Variants in OPA1 observed in about 807,000 individuals in gnomAD.
OPA1 encodes OPA1 mitochondrial dynamin like GTPase.
A neutral mutation model predicts 152.9 loss-of-function variants in OPA1; 59 were observed. The ratio of observed to expected loss-of-function variants is 0.39; its 90% confidence interval spans 0.31 to 0.48. OPA1 has a LOEUF of 0.48. Ranked by LOEUF, OPA1 falls within the 20% of genes least tolerant of loss-of-function variation. The probability of loss-of-function intolerance (pLI) is 0.96; values close to 1 mark genes in which losing one functional copy is unlikely to be tolerated. For synonymous variants in OPA1, 400 were observed against 389.9 expected, an observed-to-expected ratio of 1.03 and a Z score of -0.31; for missense variants, 1,008 against 1,216.8, an observed-to-expected ratio of 0.83 and a Z score of 2.55.
chr3:193,624,611 A>G (rs373838694), intron 6 of OPA1, among the ~76,000 whole-genome samples: 3 of 152,140 alleles, frequency 2.0e-5, no homozygotes, highest in Non-Finnish European at 4.4e-5. Flanking sequence ...TTTGTTAATG[A>G]TCATAAAACT....
In OPA1 at chr3:193,666,316, C is replaced by T. The variant is rs771717557; in HGVS notation, c.2799C>T (p.Val933=). The T allele has an allele frequency of 6.2e-6, 10 of 1,613,866 alleles. No homozygotes were observed. The highest frequency in any genetic ancestry group is 7.6e-6 in the Non-Finnish European group (9 of 1,179,938). The change falls in exon 28 of 31, where the codon GTC becomes GTT. Residue 933 remains valine (V), a synonymous_variant. Transcript: ENST00000361510. ...TTCAGTTGGAATGCAATGATGTGGTCTTGTTTTGGCGTATACAGCGCATGC... is the reference window on the plus strand; with the variant it reads ...TTCAGTTGGAATGCAATGATGTGGTTTTGTTTTGGCGTATACAGCGCATGC... ...VDSELECNDV[V]LFWRIQRMLA...
Position 193,593,299 on chromosome 3 carries a change from G to A in OPA1, c.-79G>A, listed in dbSNP as rs1724932098. ...AGGGCCACTTCCTGGGTCATTCCTG[G>A]ACCGGGAGCCGGGCTGGGGCTCACA... On this transcript the variant is annotated 5_prime_UTR_variant, in exon 1 of 31. Coordinates refer to ENST00000361510, the MANE Select transcript of OPA1 (RefSeq NM_130837.3). 1 of 1,460,660 alleles carries A rather than the reference G, an allele frequency of 6.8e-7. No individual in the cohort carries two copies. The highest frequency in any genetic ancestry group is 9.2e-7 in the Non-Finnish European group (1 of 1,087,564). The allele number at this position is 1,460,660 out of a possible 1,614,324, so 90.5% of individuals were successfully genotyped here.
At position 193,642,846 on chromosome 3, in the gene OPA1, G is replaced by T. The variant is rs80356528; in HGVS notation, c.1230+1G>T. The T allele has an allele frequency of 6.2e-7, 1 of 1,609,032 alleles. No homozygotes were observed. Among genetic ancestry groups the T allele is most frequent in the South Asian group, 1.1e-5 (1 of 90,946 alleles). On this transcript the variant is annotated splice_donor_variant, in intron 12 of 30. Coordinates refer to ENST00000361510, the MANE Select transcript of OPA1 (RefSeq NM_130837.3). LOFTEE classifies it high-confidence loss of function. ...GTTTGATCTTACCAAAGAAGAAGAT[G>T]TAAGTAAAATTCATCTAAGGTTGAT...
intron 29 of OPA1, among the ~76,000 whole-genome samples, chr3:193,681,551 T>A (rs1387397525): frequency 1.3e-5 from 2 of 152,230 alleles, no homozygotes; most frequent in Non-Finnish European, 1.5e-5. Flanking sequence ...CAGACCTCAT[T>A]GTATTGCATG....
At chr3:193,663,247 C>T (rs933301637) in intron 26 of OPA1, among the ~76,000 whole-genome samples, 4 of 152,036 alleles carry the variant, frequency 2.6e-5, no homozygotes, top group Non-Finnish European at 5.9e-5. Flanking sequence ...TGAAACCGAC[C>T]TAGACCTTTG....
chr3:193,693,780 T>C (rs779683179), intron 30 of OPA1, among the ~76,000 whole-genome samples: 20 of 152,246 alleles, frequency 1.3e-4, no homozygotes, highest in Non-Finnish European at 2.5e-4. Context: ...GAATATTTTA[T>C]TTTAAAACCA....
intron 1 of OPA1, among the ~76,000 whole-genome samples, chr3:193,597,262 A>G (rs562356764): frequency 1.3e-5 from 2 of 152,254 alleles, no homozygotes; most frequent in East Asian, 3.9e-4. Context: ...TGCCCAGGGG[A>G]GAGGAATTTT....
intron 18 of OPA1, chr3:193,646,606 C>T (rs1278242568): frequency 6.6e-6 from 1 of 152,658 alleles, no homozygotes; most frequent in African/African-American, 2.4e-5. Context: ...ACTAAAAGTA[C>T]AAAAAAAATT....
Position 193,680,542 on chromosome 3 carries a change from G to A in OPA1, c.2984-11521G>A, listed in dbSNP as rs374084152. Among the ~76,000 whole-genome samples, 120 of 152,232 alleles carry A rather than the reference G, an allele frequency of 7.9e-4. 1 individual carries two copies. The highest frequency in any genetic ancestry group is 2.8e-3 in the African/African-American group (116 of 41,546). On this transcript the variant is annotated intron_variant, in intron 29 of 30. Transcript: ENST00000361510. The stretch of plus-strand genomic sequence containing the variant: ...TTGCAGTCTTAAAGGAACAGAAGGG[G>A]CCTTCTTATAAATCTGTCTTTGCAG...
intron 1 of OPA1, among the ~76,000 whole-genome samples, chr3:193,596,377 TTTCTTTTCTTTTCTG>T (rs1169967027): frequency 4.7e-4 from 40 of 85,466 alleles, no homozygotes; most frequent in African/African-American, 2.0e-3. Context: ...TTTCTTTTCT[TTTCTTTTCTTTTCTG>T]TTCTTTTCTT....
In OPA1 at chr3:193,692,127, A is replaced by C. The variant is rs143929819; in HGVS notation, c.3048A>C (p.Ter1016TyrextTer13). The change falls in exon 30 of 31, where the codon TAA (stop) becomes TAC (tyrosine). Residue 1016 changes from the stop codon to tyrosine, a stop_lost. Transcript: ENST00000361510. ...TTGAAGCTCTTCATCAGGAGAAATA[A>C]ATTAAGTGAGTAAAAATTCTCTAAC... is the stretch of plus-strand genomic sequence containing the variant. The part of the protein sequence containing the change: ...AFIEALHQEK[*>Y] 6.6e-7 allele frequency: 1 copy of C among 1,507,968 alleles called. No homozygotes were observed. Among genetic ancestry groups the C allele is most frequent in the African/African-American group, 1.4e-5 (1 of 72,662 alleles). The allele number at this position is 1,507,968 out of a possible 1,614,324, so 93.4% of individuals were successfully genotyped here.
intron 10 of OPA1, 49 bp from the exon 11 acceptor site, chr3:193,637,903 A>C: frequency 7.0e-7 from 1 of 1,427,138 alleles, no homozygotes; most frequent in Non-Finnish European, 9.9e-7. Context: ...TTTTAATTTT[A>C]ATTTGGTATC....
chr3:193,637,279 C>A lies in OPA1; in HGVS notation c.1033C>A (p.Arg345=). The A allele has an allele frequency of 6.3e-7, 1 of 1,599,802 alleles. No homozygotes were observed. The highest frequency in any genetic ancestry group is 8.6e-7 in the Non-Finnish European group (1 of 1,168,808). The part of the protein sequence containing the change: ...ASYNTQDHLP[R]VVVVGDQSAG... The stretch of plus-strand genomic sequence containing the variant: ...TTATAATACGCAAGATCATCTGCCA[C>A]GGGTATGTGAAAAATTGATAGTGAA... Residue 345 remains arginine, a splice_region_variant and synonymous_variant, in exon 10 of 31, where the codon CGG becomes AGG. Coordinates refer to ENST00000361510, the MANE Select transcript of OPA1 (RefSeq NM_130837.3).
At chr3:193,692,259 T>C in intron 30 of OPA1, 127 bp downstream of exon 30, 2 of 652,820 alleles carry the variant, frequency 3.1e-6, no homozygotes, top group Non-Finnish European at 5.6e-6. Flanking sequence ...ATGGCATGAA[T>C]CTCTGAAACT....
intron 1 of OPA1, among the ~76,000 whole-genome samples, chr3:193,612,575 G>A (rs1370398879): frequency 1.3e-5 from 2 of 152,018 alleles, no homozygotes; most frequent in African/African-American, 2.4e-5. Flanking sequence ...TTTCTAATAT[G>A]CCTTGCAAAC....
At position 193,664,966 on chromosome 3, in the gene OPA1, T is replaced by C; in HGVS notation, c.2748T>C (p.Tyr916=). The part of the protein sequence containing the change: ...NHCNLCRRGF[Y]YYQRHFVDSE... Reference sequence around the variant, plus strand: ...GTAACCTTTGTCGAAGAGGTTTTTATTACTACCAAAGGCATTTTGTAGATT... The same window carrying C: ...GTAACCTTTGTCGAAGAGGTTTTTACTACTACCAAAGGCATTTTGTAGATT... Residue 916 remains tyrosine, a synonymous_variant, in exon 27 of 31, where the codon TAT becomes TAC. Transcript: ENST00000361510. The C allele has an allele frequency of 1.2e-6, 2 of 1,603,356 alleles. No homozygotes were observed. Among genetic ancestry groups the C allele is most frequent in the South Asian group, 2.2e-5 (2 of 90,686 alleles).
intron 22 of OPA1, among the ~76,000 whole-genome samples, chr3:193,655,394 T>A (rs1713552332): frequency 6.6e-6 from 1 of 152,226 alleles, no homozygotes; most frequent in Admixed American, 6.5e-5. Flanking sequence ...AAGAAAATAC[T>A]TAATAGATGA....
intron 27 of OPA1, among the ~76,000 whole-genome samples, chr3:193,665,201 A>G (rs561678696): frequency 1.9e-4 from 29 of 152,102 alleles, no homozygotes; most frequent in African/African-American, 6.7e-4. Flanking sequence ...ATTATCCCCA[A>G]TGCTTATAAG....
At chr3:193,692,411 C>T (rs1192869988) in intron 30 of OPA1, among the ~76,000 whole-genome samples, 1 of 152,158 alleles carries the variant, frequency 6.6e-6, no homozygotes, top group Non-Finnish European at 1.5e-5. Flanking sequence ...GCAGGTGACT[C>T]ATTTTCTAGG....
Sources: gnomAD v4.1 joint callset for allele counts (sites outside exome capture counted in the v4.1 genomes callset) on GRCh38, gnomAD v4.1.1 for gene constraint, MANE v1.5 for transcripts, NCBI Gene and HGNC (gene_info 2026-07-23, HGNC 2026-07-21) for gene names.